Variants in EDC3 observed in about 807,000 individuals in gnomAD.
EDC3 encodes the protein enhancer of mRNA-decapping protein 3.
EDC3 carries 20 observed loss-of-function variants against 41.8 expected under a neutral mutation model. The observed-to-expected ratio is 0.48, with a 90% CI of 0.34 to 0.70. EDC3 has a LOEUF of 0.70. Ranked by LOEUF, EDC3 falls within the 30% of genes least tolerant of loss-of-function variation. The pLI, the probability that EDC3 is intolerant of heterozygous loss-of-function variation, is 0.01. For missense variants in EDC3, 444 were observed against 636.8 expected (o/e 0.70, Z 3.26); for synonymous variants, 206 against 243.2 (o/e 0.85, Z 1.42).
At chr15:74,651,017 TA>T (rs1171216299) in intron 4 of EDC3, among the ~76,000 whole-genome samples, 2 of 151,318 alleles carry the variant, frequency 1.3e-5, no homozygotes, top group Non-Finnish European at 1.5e-5. Context: ...TAATAAAATT[TA>T]AAAAAAAATT....
chr15:74,632,255 A>T lies in EDC3; in HGVS notation c.*357T>A. The T allele has an allele frequency of 3.2e-6, 1 of 309,642 alleles. No homozygotes were observed. Among genetic ancestry groups the T allele is most frequent in the South Asian group, 3.9e-5 (1 of 25,472 alleles). The allele number at this position is 309,642 out of a possible 1,614,324, so 19.2% of individuals were successfully genotyped here. A position where few individuals can be genotyped will look rare whatever the true frequency, so the allele number is the denominator to read the frequency against. On this transcript the variant is annotated 3_prime_UTR_variant, in exon 7 of 7. Coordinates refer to ENST00000315127, the MANE Select transcript of EDC3 (RefSeq NM_025083.5). This position sits in a 1 kb window ranked among gnomAD's most constrained non-coding sequence, Gnocchi z 4.0. ...GAGCAGGTACAGGCCCCCAGACAGG[A>T]CCTGGCCCACTCTTCAATGTGTGTG...
At chr15:74,662,595 AATAAT>A (rs1159279301) in intron 3 of EDC3, among the ~76,000 whole-genome samples, 2 of 152,180 alleles carry the variant, frequency 1.3e-5, no homozygotes, top group Non-Finnish European at 2.9e-5. Flanking sequence ...AGTTGTTGAC[AATAAT>A]ATAATATAAA....
chr15:74,661,422 T>C (rs1400567913), intron 3 of EDC3, among the ~76,000 whole-genome samples: 3 of 151,676 alleles, frequency 2.0e-5, no homozygotes, highest in Non-Finnish European at 2.9e-5. Flanking sequence ...GTAAATAAAG[T>C]TTTATTGGCG....
intron 1 of EDC3, among the ~76,000 whole-genome samples, chr15:74,683,257 G>A (rs973119641): frequency 6.6e-5 from 10 of 152,090 alleles, no homozygotes; most frequent in Non-Finnish European, 1.0e-4. Context: ...GAACAGGGCC[G>A]GGCACAGTGG....
At position 74,632,384 on chromosome 15, in the gene EDC3, T is replaced by G. The variant is rs1277426729; in HGVS notation, c.*228A>C. The stretch of plus-strand genomic sequence containing the variant: ...GCAGGGGGCTGAGGGTAGAGATGCC[T>G]GGAGTTGCTGCACGCTCAGCCTGCC... On this transcript the variant is annotated 3_prime_UTR_variant, in exon 7 of 7. Transcript: ENST00000315127. The surrounding 1 kb of genome is among the most constrained non-coding windows in gnomAD (Gnocchi z 4.0). The G allele has an allele frequency of 1.5e-5, 9 of 585,206 alleles. No individual in the cohort carries two copies. The highest frequency in any genetic ancestry group is 2.7e-5 in the Non-Finnish European group (9 of 330,974). 36.3% of individuals were successfully genotyped at this position (585,206 alleles called of 1,614,324 possible).
chr15:74,676,194 T>C (rs2062805745), intron 1 of EDC3, among the ~76,000 whole-genome samples: 1 of 152,162 alleles, frequency 6.6e-6, no homozygotes, highest in Non-Finnish European at 1.5e-5. Context: ...CAGAAAATAG[T>C]TCTAACTCAA....
chr15:74,687,597 C>T (rs1294726966), intron 1 of EDC3, among the ~76,000 whole-genome samples: 7 of 152,176 alleles, frequency 4.6e-5, no homozygotes, highest in Admixed American at 3.9e-4. Context: ...AGACTGATCT[C>T]GAACTCCTGC....
intron 5 of EDC3, chr15:74,640,090 G>A (rs992552517): frequency 3.0e-5 from 6 of 199,354 alleles, no homozygotes; most frequent in Admixed American, 1.1e-4. Flanking sequence ...GTGTGGTTCT[G>A]GAAGCTCTCA....
intron 3 of EDC3, among the ~76,000 whole-genome samples, chr15:74,656,784 C>T (rs966179696): frequency 3.9e-5 from 6 of 152,160 alleles, no homozygotes; most frequent in African/African-American, 1.4e-4. Flanking sequence ...TGCCCCCACC[C>T]TATCCTGTGC....
intron 2 of EDC3, among the ~76,000 whole-genome samples, chr15:74,674,222 A>T (rs1217316090): frequency 6.6e-6 from 1 of 152,156 alleles, no homozygotes; most frequent in Non-Finnish European, 1.5e-5. Context: ...TTCCTGTCTG[A>T]GCCCCAGGAG....
chr15:74,657,565 C>T (rs1435107985), intron 3 of EDC3, among the ~76,000 whole-genome samples: 2 of 152,200 alleles, frequency 1.3e-5, no homozygotes, highest in Non-Finnish European at 2.9e-5. Context: ...AAATATCCTG[C>T]TTCAGTTTGA....
intron 1 of EDC3, among the ~76,000 whole-genome samples, chr15:74,684,338 T>A (rs1206907073): frequency 6.6e-6 from 1 of 151,880 alleles, no homozygotes; most frequent in East Asian, 1.9e-4. Context: ...ACCCAGCTAA[T>A]TTTTGTATTT....
At chr15:74,673,113 G>A (rs1596324580) in intron 2 of EDC3, among the ~76,000 whole-genome samples, 3 of 152,186 alleles carry the variant, frequency 2.0e-5, no homozygotes, top group Admixed American at 2.0e-4. Context: ...CAGGAAGTAA[G>A]GTTGCAGAGG....
chr15:74,632,308 A>T lies in EDC3; in HGVS notation c.*304T>A. ...CAGGCCCAGTGGCTGTAAACCTGAA[A>T]CACAGTCTTGAGAGCTGCCTACGGC... On this transcript the variant is annotated 3_prime_UTR_variant, in exon 7 of 7. Transcript: ENST00000315127. This position sits in a 1 kb window ranked among gnomAD's most constrained non-coding sequence, Gnocchi z 4.0. 5.1e-6 allele frequency: 2 copies of T among 395,892 alleles called. No individual in the cohort carries two copies. Among genetic ancestry groups the T allele is most frequent in the Middle Eastern group, 6.9e-4 (1 of 1,444 alleles). 24.5% of individuals were successfully genotyped at this position (395,892 alleles called of 1,614,324 possible). A position where few individuals can be genotyped will look rare whatever the true frequency, so the allele number is the denominator to read the frequency against.
intron 1 of EDC3, among the ~76,000 whole-genome samples, chr15:74,683,265 T>C (rs1207002751): frequency 6.6e-6 from 1 of 152,162 alleles, no homozygotes; most frequent in Non-Finnish European, 1.5e-5. Flanking sequence ...CCGGGCACAG[T>C]GGCTGATGCC....
chr15:74,683,428 G>A (rs1490393628), intron 1 of EDC3, among the ~76,000 whole-genome samples: 3 of 152,154 alleles, frequency 2.0e-5, no homozygotes, highest in African/African-American at 4.8e-5. Context: ...CCAGCTACTC[G>A]GGAGGCTGAG....
At chr15:74,673,633 G>A (rs971263505) in intron 2 of EDC3, among the ~76,000 whole-genome samples, 1 of 151,936 alleles carries the variant, frequency 6.6e-6, no homozygotes, top group African/African-American at 2.4e-5. Flanking sequence ...TCAGGAGATC[G>A]AGACCATCCT....
chr15:74,655,243 G>A (rs2062531448), intron 4 of EDC3, among the ~76,000 whole-genome samples: 1 of 152,286 alleles, frequency 6.6e-6, no homozygotes, highest in South Asian at 2.1e-4. Context: ...TCAATGTCCT[G>A]GGCTAACAGG....
At position 74,670,077 on chromosome 15, in the gene EDC3, C is replaced by T. The variant is rs546354779; in HGVS notation, c.484+1378G>A. On this transcript the variant is annotated intron_variant, in intron 3 of 6. Transcript: ENST00000315127. Reference sequence around the variant, plus strand: ...TTTGCCATGTTGCTCAGGCTGGTCTCGAACTCCTGGGCTCAAGCGATCCAC... The same window carrying T: ...TTTGCCATGTTGCTCAGGCTGGTCTTGAACTCCTGGGCTCAAGCGATCCAC... 8.8e-5 allele frequency among the ~76,000 whole-genome samples: 12 copies of T among 136,266 alleles called. No homozygotes were observed. The South Asian group carries it at 2.5e-3, about 28-fold the overall frequency. 89.4% of individuals were successfully genotyped at this position (136,266 alleles called of 152,430 possible).
Sources: gnomAD v4.1 joint callset for allele counts (sites outside exome capture counted in the v4.1 genomes callset) on GRCh38, gnomAD v4.1.1 for gene constraint, Gnocchi (gnomAD v3.1) non-coding constraint, MANE v1.5 for transcripts, NCBI Gene and HGNC (gene_info 2026-07-23, HGNC 2026-07-21) for gene names.